DNA2: variants seen among roughly 807,000 people sequenced by gnomAD.
The protein encoded by DNA2 is DNA replication ATP-dependent helicase/nuclease DNA2.
A neutral mutation model predicts 119.1 loss-of-function variants in DNA2; 101 were observed. The ratio of observed to expected loss-of-function variants is 0.85; its 90% CI spans 0.72 to 1.00. The LOEUF is 1.00. Among genes scored for constraint, DNA2 ranks in the 50% least tolerant of loss-of-function variants. The pLI, the probability that DNA2 is intolerant of heterozygous loss-of-function variation, is 0.00. For missense variants in DNA2, 1,121 were observed against 1,255.5 expected (o/e 0.89, Z 1.62); for synonymous variants, 366 against 424.4 (o/e 0.86, Z 1.69).
At position 68,426,248 on chromosome 10, in the gene DNA2, C is replaced by A. The variant is rs529023317; in HGVS notation, c.2209-3358G>T. Among the ~76,000 whole-genome samples the A allele has an allele frequency of 3.7e-3, 557 of 149,306 alleles. 1 individual carries two copies. Among genetic ancestry groups the A allele is most frequent in the Non-Finnish European group, 6.0e-3 (405 of 67,364 alleles). On this transcript the variant is annotated intron_variant, in intron 14 of 20. Transcript: ENST00000358410. ...TTCCGGACTTCCTCAAAAAAAAAAA[C>A]CTTTTGCAGCCGGGCACAGTGGCTC...
At chr10:68,460,434 T>TGAGA (rs528034464) in intron 4 of DNA2, among the ~76,000 whole-genome samples, 1 of 148,990 alleles carries the variant, frequency 6.7e-6, no homozygotes, top group African/African-American at 2.4e-5. Context: ...TTTTTTTTTT[T>TGAGA]GAGAGAGAGT....
rs182128760 is a variant in DNA2 at position 68,414,490 on chromosome 10, A to G, written c.*549T>C. 1 of 152,206 alleles carries G rather than the reference A, an allele frequency of 6.6e-6. No individual in the cohort carries two copies. The highest frequency in any genetic ancestry group is 1.9e-4 in the East Asian group (1 of 5,206). 9.4% of individuals were successfully genotyped at this position (152,206 alleles called of 1,614,324 possible). A position where few individuals can be genotyped will look rare whatever the true frequency, so the allele number is the denominator to read the frequency against. ...CTACTCTAGAATACTGAAATACTGA[A>G]TACTGAAAACAAAAAAGGAGGATAG... On this transcript the variant is annotated 3_prime_UTR_variant, in exon 21 of 21. Coordinates refer to ENST00000358410, the MANE Select transcript of DNA2 (RefSeq NM_001080449.3).
At chr10:68,436,981 C>G in intron 10 of DNA2, 30 bp downstream of exon 10, 2 of 1,504,846 alleles carry the variant, frequency 1.3e-6, no homozygotes, top group East Asian at 2.3e-5. Flanking sequence ...ATCAATAAAG[C>G]TGTTATCAAA....
chr10:68,446,333 C>A lies in DNA2; in HGVS notation c.1020G>T (p.Gln340His), dbSNP rs746509115. ...GATGGTTGGCAGGCACAGGGTACATCTGACCAGTCTTGAGGTAGAGAAGCA... is the reference window on the plus strand; with the variant it reads ...GATGGTTGGCAGGCACAGGGTACATATGACCAGTCTTGAGGTAGAGAAGCA... The part of the protein sequence containing the change: ...AGLLLYLKTG[Q>H]MYPVPANHLD... Residue 340 changes from glutamine (Q) to histidine (H), a missense_variant, in exon 7 of 21, where the codon CAG (glutamine) becomes CAT (histidine). Transcript: ENST00000358410. The A allele has an allele frequency of 2.5e-6, 4 of 1,596,750 alleles. No individual in the cohort carries two copies. The highest frequency in any genetic ancestry group is 2.6e-6 in the Non-Finnish European group (3 of 1,171,556).
chr10:68,439,446 ATCCCAGC>A (rs1228376323), intron 9 of DNA2, among the ~76,000 whole-genome samples: 1 of 152,096 alleles, frequency 6.6e-6, no homozygotes, highest in Non-Finnish European at 1.5e-5. Flanking sequence ...AACGCTTGTA[ATCCCAGC>A]ACTCTGGGAG....
chr10:68,442,407 T>C (rs1457137059), intron 9 of DNA2, among the ~76,000 whole-genome samples: 3 of 148,142 alleles, frequency 2.0e-5, no homozygotes, highest in Non-Finnish European at 4.5e-5. Context: ...TGTTTTTTTG[T>C]GACAGTTTTG....
At chr10:68,449,076 G>A (rs1018981949) in intron 6 of DNA2, among the ~76,000 whole-genome samples, 1 of 152,032 alleles carries the variant, frequency 6.6e-6, no homozygotes, top group Non-Finnish European at 1.5e-5. Context: ...TGGGATTACA[G>A]GCGTGAGCCA....
chr10:68,425,103 T>TC, intron 14 of DNA2: 1 of 299,800 alleles, frequency 3.3e-6, no homozygotes, highest in Non-Finnish European at 6.4e-6. Flanking sequence ...TTTTTTTTTT[T>TC]TTTTTTTTTG....
In DNA2 at chr10:68,422,773, G is replaced by A. The variant is rs753597233; in HGVS notation, c.2326C>T (p.Leu776Phe). Residue 776 changes from leucine to phenylalanine, a missense_variant, in exon 15 of 21, where the codon CTT becomes TTT. Physicochemically the swap from Leu to Phe is conservative, Grantham distance 22. Coordinates refer to ENST00000358410, the MANE Select transcript of DNA2 (RefSeq NM_001080449.3). ...AACACAAATCTCCGTGAAAAAAAAAGGGGGCCCAGACAAATTGGTTGGCTA... is the reference window on the plus strand; with the variant it reads ...AACACAAATCTCCGTGAAAAAAAAAAGGGGCCCAGACAAATTGGTTGGCTA... ...QISQPICLGP[L>F]FFSRRFVLVG... 2.5e-6 allele frequency: 4 copies of A among 1,608,826 alleles called. No individual in the cohort carries two copies. The highest frequency in any genetic ancestry group is 3.4e-6 in the Non-Finnish European group (4 of 1,178,638).
chr10:68,436,946 T>A, intron 10 of DNA2, 65 bp downstream of exon 10: 1 of 1,248,906 alleles, frequency 8.0e-7, no homozygotes, highest in Admixed American at 2.1e-5. Flanking sequence ...TTTAAATGGA[T>A]GAACTACACA....
intron 14 of DNA2, among the ~76,000 whole-genome samples, chr10:68,426,644 T>C (rs1590050892): frequency 7.6e-6 from 1 of 131,084 alleles, no homozygotes; most frequent in Non-Finnish European, 1.6e-5. Context: ...GACCAACCTG[T>C]CTAAGAGACG....
At chr10:68,468,442 A>T (rs1256708247) in intron 2 of DNA2, 136 bp from the exon 3 acceptor site, 19 of 338,872 alleles carry the variant, frequency 5.6e-5, no homozygotes, top group East Asian at 1.9e-4. Context: ...CTGGGTCTTT[A>T]AAAAAAAAAA....
chr10:68,467,989 C>T, intron 3 of DNA2, 134 bp downstream of exon 3: 1 of 649,764 alleles, frequency 1.5e-6, no homozygotes, highest in Non-Finnish European at 2.3e-6. Context: ...CCATTTTCCT[C>T]ATCTATAAAA....
chr10:68,422,708 G>T lies in DNA2; in HGVS notation c.2391C>A (p.Asn797Lys), dbSNP rs749875611. ...DHQQLPPLVL[N>K]REARALGMSE... Reference sequence around the variant, plus strand: ...AAGTGTCTGCCTACCTTGCTTCACGGTTTAGCACCAGGGGAGGAAGCTGCT... The same window carrying T: ...AAGTGTCTGCCTACCTTGCTTCACGTTTTAGCACCAGGGGAGGAAGCTGCT... The change falls in exon 15 of 21, where the codon AAC becomes AAA. Residue 797 changes from asparagine (N) to lysine (K), a missense_variant. By Grantham distance (94) the Asn-to-Lys change is moderately conservative. Transcript: ENST00000358410. 14 of 1,612,928 alleles carry T rather than the reference G, an allele frequency of 8.7e-6. No individual in the cohort carries two copies. Among genetic ancestry groups the T allele is most frequent in the Non-Finnish European group, 1.7e-6 (2 of 1,179,554 alleles).
chr10:68,452,956 A>G (rs1175440060), intron 5 of DNA2, among the ~76,000 whole-genome samples: 1 of 150,262 alleles, frequency 6.7e-6, no homozygotes, highest in East Asian at 2.0e-4. Flanking sequence ...GCTGGAGTAT[A>G]GTGGTGCAAT....
At chr10:68,435,398 C>A (rs559746146) in intron 10 of DNA2, among the ~76,000 whole-genome samples, 1 of 151,668 alleles carries the variant, frequency 6.6e-6, no homozygotes, top group Non-Finnish European at 1.5e-5. Context: ...TTAGGCCAGG[C>A]GTGGTGGCTC....
chr10:68,471,213 C>T (rs1030240179), intron 1 of DNA2, among the ~76,000 whole-genome samples: 1 of 152,106 alleles, frequency 6.6e-6, no homozygotes, highest in East Asian at 1.9e-4. Context: ...ATTTTGCAAA[C>T]GCTTTATTCC....
At chr10:68,451,357 C>G (rs1398252052) in intron 5 of DNA2, among the ~76,000 whole-genome samples, 1 of 151,764 alleles carries the variant, frequency 6.6e-6, no homozygotes, top group Non-Finnish European at 1.5e-5. Flanking sequence ...GGTAAATAAC[C>G]CATGAGCACA....
intron 11 of DNA2, 31 bp downstream of exon 11, chr10:68,432,363 G>T: frequency 6.4e-7 from 1 of 1,561,142 alleles, no homozygotes; most frequent in Non-Finnish European, 8.7e-7. Context: ...GAAAAGTGGA[G>T]TGAAATTCAA....
Sources: gnomAD v4.1 joint callset for allele counts (sites outside exome capture counted in the v4.1 genomes callset) on GRCh38, gnomAD v4.1.1 for gene constraint, MANE v1.5 for transcripts, NCBI Gene and HGNC (gene_info 2026-07-23, HGNC 2026-07-21) for gene names.